DPYD: variants seen among roughly 807,000 people sequenced by gnomAD.
DPYD encodes dihydropyrimidine dehydrogenase.
DPYD carries 109 observed loss-of-function variants against 116.2 expected under a neutral mutation model. The ratio of observed to expected loss-of-function variants is 0.94; its 90% CI spans 0.80 to 1.10. The LOEUF is 1.10. DPYD is among the 50% of genes least tolerant of loss of function. DPYD has a pLI of 0.00. For synonymous variants in DPYD, 440 were observed against 432.0 expected (o/e 1.02, Z -0.23); for missense variants, 1,302 against 1,254.5 (o/e 1.04, Z -0.57).
intron 2 of DPYD, among the ~76,000 whole-genome samples, chr1:97,866,178 T>G (rs1281218529): frequency 1.3e-5 from 2 of 151,986 alleles, no homozygotes; most frequent in Admixed American, 6.6e-5. Context: ...TTTCCATTCA[T>G]TCTCCTAACC....
At chr1:97,274,519 A>G (rs1664810137) in intron 18 of DPYD, among the ~76,000 whole-genome samples, 1 of 152,154 alleles carries the variant, frequency 6.6e-6, no homozygotes, top group African/African-American at 2.4e-5. Context: ...GAACCTGGAA[A>G]CAATTAAACC....
In DPYD at chr1:97,721,547, G is replaced by A. The variant is rs1437502916; in HGVS notation, c.446C>T (p.Pro149Leu). The change falls in exon 5 of 23, where the codon CCC becomes CTC. Residue 149 changes from proline to leucine, a missense_variant. Transcript: ENST00000370192. ...GCNLYATEEGPINIGGLQQFA... is the reference protein window; with the variant it reads ...GCNLYATEEGLINIGGLQQFA... Reference sequence around the variant, plus strand: ...TTGCTGCAATCCACCAATATTAATGGGTCCCTCTTCAGTGGCATATAAATT... The same window carrying A: ...TTGCTGCAATCCACCAATATTAATGAGTCCCTCTTCAGTGGCATATAAATT... The A allele has an allele frequency of 6.2e-7, 1 of 1,611,494 alleles. No individual in the cohort carries two copies. Among genetic ancestry groups the A allele is most frequent in the South Asian group, 1.1e-5 (1 of 91,006 alleles).
chr1:97,885,015 A>G (rs1672410589), intron 1 of DPYD, among the ~76,000 whole-genome samples: 1 of 152,032 alleles, frequency 6.6e-6, no homozygotes, highest in South Asian at 2.1e-4. Context: ...CATGTTTTCT[A>G]AACTACAAAA....
intron 8 of DPYD, among the ~76,000 whole-genome samples, chr1:97,606,774 A>T (rs1036210920): frequency 7.9e-5 from 12 of 151,988 alleles, no homozygotes; most frequent in Non-Finnish European, 1.6e-4. Context: ...AGAAAATAAG[A>T]ATGGAAGAAG....
chr1:97,104,581 G>T (rs1650998435), intron 20 of DPYD, among the ~76,000 whole-genome samples: 1 of 152,092 alleles, frequency 6.6e-6, no homozygotes, highest in Non-Finnish European at 1.5e-5. Context: ...TTTTCTAGAA[G>T]AGGTGTCATC....
chr1:97,838,618 G>C lies in DPYD; in HGVS notation c.151-10422C>G, dbSNP rs530593795. Among the ~76,000 whole-genome samples, 17 of 151,780 alleles carry C rather than the reference G, an allele frequency of 1.1e-4. 1 individual carries two copies. In the South Asian group the frequency reaches 3.6e-3, roughly 33 times the overall value. ...CCCAGCACTTTGGGAGGCCGAGGCG[G>C]GTGGATCATGAGGTCAGGAGATCGA... On this transcript the variant is annotated intron_variant, in intron 2 of 22. Transcript: ENST00000370192.
At chr1:97,175,782 C>A (rs1253288758) in intron 20 of DPYD, among the ~76,000 whole-genome samples, 1 of 152,174 alleles carries the variant, frequency 6.6e-6, no homozygotes, top group Admixed American at 6.5e-5. Context: ...TCAAGTGCAT[C>A]TCTTATTAAT....
At chr1:97,609,855 A>T in intron 8 of DPYD, among the ~76,000 whole-genome samples, 1 of 151,944 alleles carries the variant, frequency 6.6e-6, no homozygotes, top group South Asian at 2.1e-4. Context: ...TTAGTAGGTA[A>T]TTACTTACCT....
intron 8 of DPYD, among the ~76,000 whole-genome samples, chr1:97,630,986 C>T (rs2100793719): frequency 6.6e-6 from 1 of 152,156 alleles, no homozygotes; most frequent in African/African-American, 2.4e-5. Context: ...TGTTTCATTC[C>T]AGGTCCTCTA....
chr1:97,390,667 T>C (rs1324019064), intron 14 of DPYD, among the ~76,000 whole-genome samples: 1 of 151,982 alleles, frequency 6.6e-6, no homozygotes, highest in Non-Finnish European at 1.5e-5. Flanking sequence ...TTGGTTTATT[T>C]TGGGGCTGAC....
rs146837936 is a variant in DPYD, at chr1:97,443,555, G to A, written c.1905+6504C>T. Among the ~76,000 whole-genome samples the A allele has an allele frequency of 5.3e-5, 8 of 152,262 alleles. No homozygotes were observed. The East Asian group carries it at 1.5e-3, about 29-fold the overall frequency. ...CTTGACAAGCTCAAAAAATTTCAGA[G>A]GGAACAAAGGAGAAGTCCCTTCAGT... On this transcript the variant is annotated intron_variant, in intron 14 of 22. Transcript: ENST00000370192.
At chr1:97,839,543 AG>A (rs1442148885) in intron 2 of DPYD, among the ~76,000 whole-genome samples, 2 of 152,172 alleles carry the variant, frequency 1.3e-5, no homozygotes, top group Non-Finnish European at 2.9e-5. Context: ...ATCTACCACC[AG>A]GTCAATAAAT....
chr1:97,266,223 A>G (rs981664811), intron 18 of DPYD, among the ~76,000 whole-genome samples: 1 of 152,222 alleles, frequency 6.6e-6, no homozygotes, highest in African/African-American at 2.4e-5. Flanking sequence ...AAGGGTATTA[A>G]TAAATGCCCC....
intron 10 of DPYD, among the ~76,000 whole-genome samples, chr1:97,579,341 G>A (rs1415433396): frequency 6.6e-6 from 1 of 152,172 alleles, no homozygotes; most frequent in African/African-American, 2.4e-5. Context: ...ATTAAGGAAA[G>A]TACAACCAAC....
chr1:97,378,414 T>G (rs984582482), intron 15 of DPYD, among the ~76,000 whole-genome samples: 12 of 152,322 alleles, frequency 7.9e-5, no homozygotes, highest in Admixed American at 4.6e-4. Context: ...GATAGGAAAC[T>G]GGCTTGTTAG....
intron 3 of DPYD, among the ~76,000 whole-genome samples, chr1:97,751,460 G>GTATATATATATATATATA (rs1553233231): frequency 1.9e-4 from 4 of 21,290 alleles, no homozygotes; most frequent in Non-Finnish European, 2.4e-4. Context: ...GTGTGTGTGT[G>GTATATATATATATATATA]TATATATATA....
In DPYD at chr1:97,612,106, A is replaced by G. The variant is rs535467922; in HGVS notation, c.851-16940T>C. Among the ~76,000 whole-genome samples the G allele has an allele frequency of 7.6e-4, 115 of 152,134 alleles. 1 individual carries two copies. Among genetic ancestry groups the G allele is most frequent in the African/African-American group, 2.5e-3 (102 of 41,542 alleles). On this transcript the variant is annotated intron_variant, in intron 8 of 22. Transcript: ENST00000370192. ...TTCCACAGATCCCCTTATGCCCTGT[A>G]TTGATATTAAGTGGTATTAAAAGTA...
chr1:97,767,563 C>G (rs986693275), intron 3 of DPYD, among the ~76,000 whole-genome samples: 3 of 152,032 alleles, frequency 2.0e-5, no homozygotes, highest in African/African-American at 7.2e-5. Context: ...GGATGAGAGA[C>G]GACAGGGAGA....
At chr1:97,143,841 G>C (rs1263521624) in intron 20 of DPYD, among the ~76,000 whole-genome samples, 2 of 151,994 alleles carry the variant, frequency 1.3e-5, no homozygotes, top group Non-Finnish European at 2.9e-5. Context: ...AATTTCATTT[G>C]ACCAGAATTT....
Sources: gnomAD v4.1 joint callset for allele counts (sites outside exome capture counted in the v4.1 genomes callset) on GRCh38, gnomAD v4.1.1 for gene constraint, MANE v1.5 for transcripts, NCBI Gene and HGNC (gene_info 2026-07-23, HGNC 2026-07-21) for gene names.